The following TRHDE variants were observed in gnomAD, a reference collection of about 807,000 sequenced individuals.
TRHDE encodes thyrotropin releasing hormone degrading enzyme.
TRHDE carries 72 observed loss-of-function variants against 125.7 expected under a neutral mutation model. The observed-to-expected ratio is 0.57, with a 90% CI of 0.47 to 0.70. TRHDE has a LOEUF of 0.70. Among genes scored for constraint, TRHDE ranks in the 30% least tolerant of loss-of-function variants. The pLI is 0.00. For synonymous variants in TRHDE, 509 were observed against 509.1 expected, an observed-to-expected ratio of 1.00 and a Z score of 0.00; for missense variants, 1,110 against 1,327.1, an observed-to-expected ratio of 0.84 and a Z score of 2.54.
At chr12:72,555,061 T>C (rs1163039132) in intron 7 of TRHDE, among the ~76,000 whole-genome samples, 1 of 152,238 alleles carries the variant, frequency 6.6e-6, no homozygotes, top group Non-Finnish European at 1.5e-5. Flanking sequence ...GTTGTTTTGA[T>C]TTACAATGTT....
In TRHDE at chr12:72,469,860, T is replaced by C. The variant is rs1399779920; in HGVS notation, c.1418T>C (p.Ile473Thr). 1.2e-6 allele frequency: 2 copies of C among 1,614,054 alleles called. No homozygotes were observed. Among genetic ancestry groups the C allele is most frequent in the Non-Finnish European group, 1.7e-6 (2 of 1,180,012 alleles). The part of the protein sequence containing the change: ...RILLDPSVSS[I>T]SYLLDVTMVI... ...CTGCTGGATCCCAGTGTTTCATCTA[T>C]TTCTTATTTGCTGGATGTCACCATG... The change falls in exon 4 of 19, where the codon ATT becomes ACT. Residue 473 changes from isoleucine (I) to threonine (T), a missense_variant. This residue lies in a region of TRHDE where 252 missense variants were observed against 274.8 expected (regional missense o/e 0.92). Coordinates refer to ENST00000261180, the MANE Select transcript of TRHDE (RefSeq NM_013381.3).
chr12:72,528,415 GT>G (rs1868381235), intron 6 of TRHDE, among the ~76,000 whole-genome samples: 2 of 152,112 alleles, frequency 1.3e-5, no homozygotes, highest in South Asian at 4.1e-4. Flanking sequence ...CACAAATGAT[GT>G]TGTCTTCGTG....
chr12:72,450,589 C>T (rs1875522557), intron 3 of TRHDE, among the ~76,000 whole-genome samples: 2 of 152,046 alleles, frequency 1.3e-5, no homozygotes, highest in African/African-American at 2.4e-5. Flanking sequence ...CCATAGCCAC[C>T]ATGTTGTACA....
At chr12:72,242,277 C>T (rs1307762286) in intron 2 of TRHDE, among the ~76,000 whole-genome samples, 1 of 152,176 alleles carries the variant, frequency 6.6e-6, no homozygotes, top group Non-Finnish European at 1.5e-5. Flanking sequence ...TCTCCACTGT[C>T]TCCCCAGCAA....
chr12:72,230,093 G>T (rs1878217232), intron 2 of TRHDE, among the ~76,000 whole-genome samples: 2 of 152,100 alleles, frequency 1.3e-5, no homozygotes, highest in Admixed American at 1.3e-4. Flanking sequence ...ATCAAAAGTT[G>T]TGTTCTAAAA....
At chr12:72,416,404 C>G (rs1461256574) in intron 3 of TRHDE, among the ~76,000 whole-genome samples, 1 of 151,852 alleles carries the variant, frequency 6.6e-6, no homozygotes, top group Non-Finnish European at 1.5e-5. Flanking sequence ...TATGTGACCC[C>G]ATTTTTTGCT....
intron 1 of TRHDE, among the ~76,000 whole-genome samples, chr12:72,094,246 G>A (rs1195143022): frequency 1.3e-5 from 2 of 152,184 alleles, no homozygotes; most frequent in African/African-American, 4.8e-5. Context: ...CTTGGTTCCT[G>A]CAAGGGGTGT....
At chr12:72,334,588 C>G (rs1327615630) in intron 2 of TRHDE, among the ~76,000 whole-genome samples, 1 of 152,186 alleles carries the variant, frequency 6.6e-6, no homozygotes, top group East Asian at 1.9e-4. Context: ...GGTCCCTCAG[C>G]TAGGAAACTT....
chr12:72,197,942 C>A (rs1424958409), intron 2 of TRHDE, among the ~76,000 whole-genome samples: 1 of 151,846 alleles, frequency 6.6e-6, no homozygotes, highest in Admixed American at 6.6e-5. Context: ...TGCACATGCC[C>A]ATACTCAATA....
At chr12:72,318,473 T>C (rs1056934922) in intron 2 of TRHDE, among the ~76,000 whole-genome samples, 25 of 152,186 alleles carry the variant, frequency 1.6e-4, no homozygotes, top group African/African-American at 5.8e-4. Flanking sequence ...GATACGATTA[T>C]GAATTGGTCT....
chr12:72,635,651 C>G (rs1444074292), intron 15 of TRHDE, among the ~76,000 whole-genome samples: 2 of 151,090 alleles, frequency 1.3e-5, no homozygotes, highest in Non-Finnish European at 1.5e-5. Context: ...ACGTTTAAGT[C>G]TTTAATCCAT....
intron 3 of TRHDE, among the ~76,000 whole-genome samples, chr12:72,414,306 A>G (rs2135818460): frequency 6.6e-6 from 1 of 152,244 alleles, no homozygotes; most frequent in South Asian, 2.1e-4. Context: ...GAGCCCAGGA[A>G]CACCTTTGGA....
intron 18 of TRHDE, among the ~76,000 whole-genome samples, chr12:72,661,655 C>T (rs1874922297): frequency 6.6e-6 from 1 of 151,992 alleles, no homozygotes; most frequent in African/African-American, 2.4e-5. Flanking sequence ...CATTAGACTC[C>T]CCCTTTATAT....
At chr12:72,397,981 C>A (rs1260030289) in intron 3 of TRHDE, among the ~76,000 whole-genome samples, 1 of 141,098 alleles carries the variant, frequency 7.1e-6, no homozygotes, top group African/African-American at 2.6e-5. Context: ...TATCCCTCCC[C>A]CCTCCCCCAA....
intron 6 of TRHDE, among the ~76,000 whole-genome samples, chr12:72,526,341 T>A (rs1414886656): frequency 6.6e-6 from 1 of 152,152 alleles, no homozygotes; most frequent in Non-Finnish European, 1.5e-5. Flanking sequence ...AAGTCCTTTT[T>A]CTTAGCCACT....
At chr12:72,601,384 C>T (rs1169626369) in intron 12 of TRHDE, among the ~76,000 whole-genome samples, 9 of 152,170 alleles carry the variant, frequency 5.9e-5, no homozygotes, top group East Asian at 5.8e-4. Flanking sequence ...TCATCGACTA[C>T]TGGTGAAGAT....
chr12:72,293,955 G>A (rs1043572773), intron 2 of TRHDE, among the ~76,000 whole-genome samples: 9 of 152,182 alleles, frequency 5.9e-5, no homozygotes, highest in African/African-American at 2.2e-4. Flanking sequence ...GCCAGCTGCT[G>A]CAGTGGGGCA....
At chr12:72,476,782 T>C (rs1331082259) in intron 5 of TRHDE, among the ~76,000 whole-genome samples, 1 of 152,216 alleles carries the variant, frequency 6.6e-6, no homozygotes, top group Admixed American at 6.5e-5. Flanking sequence ...TTACATAGTA[T>C]TGTTAAGGAG....
chr12:72,435,226 T>A (rs1281344037), intron 3 of TRHDE, among the ~76,000 whole-genome samples: 1 of 152,226 alleles, frequency 6.6e-6, no homozygotes, highest in Non-Finnish European at 1.5e-5. Flanking sequence ...AAGCAAAACA[T>A]GACTGCCATC....
Sources: gnomAD v4.1 joint callset for allele counts (sites outside exome capture counted in the v4.1 genomes callset) on GRCh38, gnomAD v4.1.1 for gene constraint, gnomAD v4.1.1 regional missense constraint, MANE v1.5 for transcripts, NCBI Gene and HGNC (gene_info 2026-07-23, HGNC 2026-07-21) for gene names.